AKR1E2: variants seen among roughly 807,000 people sequenced by gnomAD.
AKR1E2 encodes 1,5-anhydro-D-fructose reductase.
A neutral mutation model predicts 41.9 loss-of-function variants in AKR1E2; 43 were observed. That is an observed-to-expected ratio of 1.03 (90% CI 0.80 to 1.32). AKR1E2 has a LOEUF of 1.32. AKR1E2 is among the 40% of genes most tolerant of loss of function. The pLI, the probability that AKR1E2 is intolerant of heterozygous loss-of-function variation, is 0.00. For missense variants in AKR1E2, 423 were observed against 396.5 expected, an observed-to-expected ratio of 1.07 and a Z score of -0.57; for synonymous variants, 121 against 138.9, an observed-to-expected ratio of 0.87 and a Z score of 0.91.
At chr10:4,835,016 T>C (rs1039600595) in intron 3 of AKR1E2, among the ~76,000 whole-genome samples, 8 of 152,230 alleles carry the variant, frequency 5.3e-5, no homozygotes, top group African/African-American at 1.9e-4. Context: ...CTTTCATGTG[T>C]ATCAGGCTGG....
the AKR1E2 span, among the ~76,000 whole-genome samples, chr10:4,855,068 C>T: frequency 3.9e-5 from 6 of 152,130 alleles, no homozygotes; most frequent in Non-Finnish European, 7.4e-5. Flanking sequence ...TGGAAAAGAT[C>T]GCTTCATGAC....
At chr10:4,852,280 G>C (rs79605234), downstream of AKR1E2, among the ~76,000 whole-genome samples, 2,511 of 152,224 alleles carry the variant, frequency 0.016, 51 homozygotes, top group African/African-American at 0.057. Context: ...CAATTTCTTG[G>C]CTAGAAAAAT....
Position 4,830,240 on chromosome 10 carries a change from A to G in AKR1E2, c.40-435A>G, listed in dbSNP as rs115501950. The stretch of plus-strand genomic sequence containing the variant: ...TTATTGCTTGTAGCATTATACATTC[A>G]TTTAGGTTTTGTTATATACTTCTTT... On this transcript the variant is annotated intron_variant, in intron 1 of 9. Transcript: ENST00000298375. Among the ~76,000 whole-genome samples, 817 of 152,088 alleles carry G rather than the reference A, an allele frequency of 5.4e-3. 8 individuals carry two copies. The highest frequency in any genetic ancestry group is 0.019 in the African/African-American group (789 of 41,476).
At chr10:4,854,544 G>A in the AKR1E2 span, among the ~76,000 whole-genome samples, 2 of 152,134 alleles carry the variant, frequency 1.3e-5, no homozygotes, top group African/African-American at 4.8e-5. Context: ...GGACTATAGT[G>A]AGGAACCCCC....
At chr10:4,866,369 A>T in the AKR1E2 span, among the ~76,000 whole-genome samples, 1 of 152,222 alleles carries the variant, frequency 6.6e-6, no homozygotes, top group Non-Finnish European at 1.5e-5. Context: ...TTATAGATAC[A>T]CAGGAAGTTG....
At chr10:4,865,078 C>T in the AKR1E2 span, among the ~76,000 whole-genome samples, 3 of 152,026 alleles carry the variant, frequency 2.0e-5, no homozygotes, top group South Asian at 2.1e-4. Flanking sequence ...AAGGAAGGAA[C>T]GATGGGGTGT....
intron 2 of AKR1E2, 44 bp from the exon 3 acceptor site, chr10:4,833,306 G>T: frequency 6.7e-7 from 1 of 1,497,038 alleles, no homozygotes; most frequent in East Asian, 2.3e-5. Flanking sequence ...TGCCATGCTG[G>T]CTCTGGGTGG....
At chr10:4,850,868 G>A (rs1293359850), downstream of AKR1E2, among the ~76,000 whole-genome samples, 1 of 152,066 alleles carries the variant, frequency 6.6e-6, no homozygotes, top group Non-Finnish European at 1.5e-5. Flanking sequence ...GATAAAATTC[G>A]CATTTTAGCA....
At chr10:4,870,484 A>G in the AKR1E2 span, among the ~76,000 whole-genome samples, 2 of 96,610 alleles carry the variant, frequency 2.1e-5, no homozygotes, top group African/African-American at 6.7e-5. Flanking sequence ...GGTCTTCTGG[A>G]AAAAAAATCT....
rs942830072 is a variant in AKR1E2 at position 4,847,621 on chromosome 10, A to T, written c.*91A>T. On this transcript the variant is annotated 3_prime_UTR_variant, in exon 10 of 10. Coordinates refer to ENST00000298375, the MANE Select transcript of AKR1E2 (RefSeq NM_001040177.3). ...TCCTCTGTCATCACAGCGCCAGGGC[A>T]GCTGTGCCTGGGACAGGAGCCACAC... is the stretch of plus-strand genomic sequence containing the variant. The T allele has an allele frequency of 1.4e-6, 2 of 1,455,118 alleles. No homozygotes were observed. The highest frequency in any genetic ancestry group is 9.6e-7 in the Non-Finnish European group (1 of 1,046,466). 90.1% of individuals were successfully genotyped at this position (1,455,118 alleles called of 1,614,324 possible). A position where few individuals can be genotyped will look rare whatever the true frequency, so the allele number is the denominator to read the frequency against.
At chr10:4,860,508 C>T in the AKR1E2 span, among the ~76,000 whole-genome samples, 1 of 151,990 alleles carries the variant, frequency 6.6e-6, no homozygotes, top group Non-Finnish European at 1.5e-5. Context: ...ACAAGGGGAA[C>T]CTCATAGTGG....
At chr10:4,847,277 T>C (rs1409938299) in intron 9 of AKR1E2, 47 bp downstream of exon 9, 1 of 1,611,070 alleles carries the variant, frequency 6.2e-7, no homozygotes, top group African/African-American at 1.3e-5. Context: ...AATATACAGA[T>C]TGAATGATTG....
intron 6 of AKR1E2, among the ~76,000 whole-genome samples, chr10:4,840,625 C>T (rs1242039094): frequency 6.6e-6 from 1 of 152,250 alleles, no homozygotes; most frequent in South Asian, 2.1e-4. Flanking sequence ...TCCCTGTGAA[C>T]ATCCTGGGCT....
chr10:4,837,194 C>T (rs1316808795), intron 4 of AKR1E2, among the ~76,000 whole-genome samples: 5 of 152,184 alleles, frequency 3.3e-5, no homozygotes, highest in African/African-American at 9.7e-5. Flanking sequence ...TAAACATCCC[C>T]GTGGCACAGG....
chr10:4,865,806 A>G, the AKR1E2 span, among the ~76,000 whole-genome samples: 1 of 152,194 alleles, frequency 6.6e-6, no homozygotes, highest in South Asian at 2.1e-4. Context: ...GAAGCTTAAC[A>G]AAAAGAGTCC....
chr10:4,837,428 C>T, intron 4 of AKR1E2, 31 bp from the exon 5 acceptor site: 1 of 1,611,182 alleles, frequency 6.2e-7, no homozygotes, highest in Non-Finnish European at 8.5e-7. Context: ...TAGACAGAAG[C>T]TTCACACCCA....
chr10:4,839,456 T>C (rs1833697755), intron 5 of AKR1E2, among the ~76,000 whole-genome samples: 1 of 96,536 alleles, frequency 1.0e-5, no homozygotes, highest in African/African-American at 3.6e-5. Flanking sequence ...ACAATCTTTA[T>C]CTGAGTGCTC....
chr10:4,863,658 C>T, the AKR1E2 span, among the ~76,000 whole-genome samples: 4 of 151,866 alleles, frequency 2.6e-5, no homozygotes, highest in Non-Finnish European at 4.4e-5. Context: ...TTCAAAAAAT[C>T]AATGAATCCA....
intron 8 of AKR1E2, 94 bp from the exon 9 acceptor site, chr10:4,847,054 C>T (rs2131577111): frequency 7.5e-7 from 1 of 1,341,524 alleles, no homozygotes; most frequent in Non-Finnish European, 1.0e-6. Flanking sequence ...CTTTGTGTCC[C>T]TTGCAGGTCT....
Sources: gnomAD v4.1 joint callset for allele counts (sites outside exome capture counted in the v4.1 genomes callset) on GRCh38, gnomAD v4.1.1 for gene constraint, MANE v1.5 for transcripts, NCBI Gene and HGNC (gene_info 2026-07-23, HGNC 2026-07-21) for gene names.